Variants in DNAJC1 observed in about 807,000 individuals in gnomAD.
DNAJC1 encodes the protein dnaJ homolog subfamily C member 1.
A neutral mutation model predicts 76.6 loss-of-function variants in DNAJC1; 58 were observed. The observed-to-expected ratio is 0.76, with a 90% CI of 0.61 to 0.94. The LOEUF is 0.94. DNAJC1 is among the 40% of genes least tolerant of loss of function. The pLI, the probability that DNAJC1 is intolerant of heterozygous loss-of-function variation, is 0.00. For synonymous variants in DNAJC1, 258 were observed against 267.9 expected (o/e 0.96, Z 0.36); for missense variants, 689 against 677.3 (o/e 1.02, Z -0.19).
At chr10:21,885,269 GTTCAA>G (rs1836352747) in intron 7 of DNAJC1, among the ~76,000 whole-genome samples, 1 of 152,054 alleles carries the variant, frequency 6.6e-6, no homozygotes, top group African/African-American at 2.4e-5. Context: ...ATGGCAAAGG[GTTCAA>G]TTCAACAAGA....
At chr10:21,917,949 A>G (rs1455444092) in intron 6 of DNAJC1, among the ~76,000 whole-genome samples, 5 of 151,966 alleles carry the variant, frequency 3.3e-5, no homozygotes, top group African/African-American at 1.2e-4. Flanking sequence ...GCTCTAATAT[A>G]TAACTACAAA....
intron 1 of DNAJC1, among the ~76,000 whole-genome samples, chr10:21,961,225 A>G (rs539261134): frequency 6.6e-5 from 10 of 152,338 alleles, no homozygotes; most frequent in African/African-American, 2.4e-4. Context: ...ATTTCTAGGT[A>G]TATACCCAAA....
At chr10:21,862,427 A>ATT (rs535547596) in intron 8 of DNAJC1, among the ~76,000 whole-genome samples, 12 of 131,860 alleles carry the variant, frequency 9.1e-5, no homozygotes, top group South Asian at 2.4e-4. Context: ...CTGTTACTAC[A>ATT]TTTTTTTTTT....
At chr10:21,915,572 C>T (rs750384920) in intron 6 of DNAJC1, among the ~76,000 whole-genome samples, 34 of 152,186 alleles carry the variant, frequency 2.2e-4, no homozygotes, top group Non-Finnish European at 3.8e-4. Flanking sequence ...AAGGAATTTA[C>T]GCCAAAAGTA....
At chr10:21,783,406 A>G (rs1213901744) in intron 9 of DNAJC1, among the ~76,000 whole-genome samples, 1 of 152,248 alleles carries the variant, frequency 6.6e-6, no homozygotes, top group African/African-American at 2.4e-5. Context: ...AAAAGAGGAC[A>G]CAAACAAATG....
chr10:21,800,720 G>A (rs1589985367), intron 9 of DNAJC1, among the ~76,000 whole-genome samples: 1 of 152,012 alleles, frequency 6.6e-6, no homozygotes, highest in Non-Finnish European at 1.5e-5. Context: ...ACAGAGAAAC[G>A]CTAAAGTCTC....
chr10:21,850,834 A>G (rs1280600463), intron 8 of DNAJC1, among the ~76,000 whole-genome samples: 2 of 152,300 alleles, frequency 1.3e-5, no homozygotes, highest in South Asian at 4.1e-4. Context: ...CACATAGAAC[A>G]AGAGAAAAGA....
chr10:21,979,321 G>T (rs1838114131), intron 1 of DNAJC1, among the ~76,000 whole-genome samples: 1 of 151,806 alleles, frequency 6.6e-6, no homozygotes, highest in South Asian at 2.1e-4. Flanking sequence ...TTTTCAAAAG[G>T]GCTCTTATCT....
intron 1 of DNAJC1, among the ~76,000 whole-genome samples, chr10:21,931,443 C>T (rs1325066238): frequency 1.3e-5 from 2 of 152,138 alleles, no homozygotes; most frequent in Non-Finnish European, 2.9e-5. Flanking sequence ...CAAAGACATG[C>T]TCTAGATAAG....
At chr10:21,809,747 T>A (rs764133232) in intron 8 of DNAJC1, among the ~76,000 whole-genome samples, 4 of 152,134 alleles carry the variant, frequency 2.6e-5, no homozygotes, top group Non-Finnish European at 5.9e-5. Context: ...TATATAATTT[T>A]CCTTTCCTAT....
intron 1 of DNAJC1, among the ~76,000 whole-genome samples, chr10:21,983,898 T>C (rs1251666118): frequency 6.6e-6 from 1 of 152,170 alleles, no homozygotes; most frequent in Non-Finnish European, 1.5e-5. Context: ...CACTGGTTTT[T>C]ATACTTTAAA....
chr10:21,825,267 C>T (rs1330486939), intron 8 of DNAJC1, among the ~76,000 whole-genome samples: 1 of 152,230 alleles, frequency 6.6e-6, no homozygotes. Context: ...TGTGTCTCTA[C>T]AGATTTACTT....
chr10:21,864,321 A>C (rs1025903925), intron 8 of DNAJC1, among the ~76,000 whole-genome samples: 1 of 151,970 alleles, frequency 6.6e-6, no homozygotes, highest in African/African-American at 2.4e-5. Context: ...ATATAAGATA[A>C]AACTATAAAA....
intron 1 of DNAJC1, among the ~76,000 whole-genome samples, chr10:22,001,038 T>C (rs1393044898): frequency 6.6e-6 from 1 of 152,244 alleles, no homozygotes; most frequent in Non-Finnish European, 1.5e-5. Context: ...TATATTTACT[T>C]ACTTGGCTGT....
rs1377170714 is a variant in DNAJC1, at chr10:21,835,718, G to A, written c.979-29619C>T. On this transcript the variant is annotated intron_variant, in intron 8 of 11. Transcript: ENST00000376980. ...AGCCGATGCGATCAACTGGAAGAAA[G>A]GGTATCAGAGATGGAAGACGAACTG... 6.6e-5 allele frequency among the ~76,000 whole-genome samples: 10 copies of A among 152,298 alleles called. No individual in the cohort carries two copies. In the East Asian group the frequency reaches 1.7e-3, roughly 26 times the overall value.
chr10:21,866,138 A>G lies in DNAJC1; in HGVS notation c.978+16144T>C, dbSNP rs78096050. Among the ~76,000 whole-genome samples, 1,041 of 150,028 alleles carry G rather than the reference A, an allele frequency of 6.9e-3. 6 individuals carry two copies. The highest frequency in any genetic ancestry group is 0.01 in the Non-Finnish European group (675 of 67,388). Reference sequence around the variant, plus strand: ...CGAGAGAGTGAGACTTCAACTCAAAAAAAAAAAAAAAAAAAAAGTACATAG... The same window carrying G: ...CGAGAGAGTGAGACTTCAACTCAAAGAAAAAAAAAAAAAAAAAGTACATAG... On this transcript the variant is annotated intron_variant, in intron 8 of 11. Transcript: ENST00000376980.
chr10:21,965,094 C>A (rs935043757), intron 1 of DNAJC1, among the ~76,000 whole-genome samples: 2 of 152,074 alleles, frequency 1.3e-5, no homozygotes, highest in Admixed American at 1.3e-4. Context: ...TAATATTATA[C>A]AACTTCCATA....
chr10:21,962,235 C>T, intron 1 of DNAJC1, among the ~76,000 whole-genome samples: 1 of 152,026 alleles, frequency 6.6e-6, no homozygotes, highest in East Asian at 1.9e-4. Context: ...TTGTTTAATG[C>T]TGTGCCCCTA....
intron 8 of DNAJC1, among the ~76,000 whole-genome samples, chr10:21,827,523 G>C (rs539859169): frequency 6.6e-6 from 1 of 152,302 alleles, no homozygotes; most frequent in Admixed American, 6.5e-5. Flanking sequence ...CCTTTTGGAG[G>C]CTCTGAGGGA....
Sources: gnomAD v4.1 joint callset for allele counts (sites outside exome capture counted in the v4.1 genomes callset) on GRCh38, gnomAD v4.1.1 for gene constraint, MANE v1.5 for transcripts, NCBI Gene and HGNC (gene_info 2026-07-23, HGNC 2026-07-21) for gene names.